ZNF280D: variants seen among roughly 807,000 people sequenced by gnomAD.
ZNF280D encodes suppressor of hairy wing homolog 4.
ZNF280D carries 39 observed loss-of-function variants against 94.7 expected under a neutral mutation model. The ratio of observed to expected loss-of-function variants is 0.41; its 90% CI spans 0.32 to 0.54. The LOEUF is 0.54. Ranked by LOEUF, ZNF280D falls within the 20% of genes least tolerant of loss-of-function variation. The pLI, the probability that ZNF280D is intolerant of heterozygous loss-of-function variation, is 0.22. For synonymous variants in ZNF280D, 398 were observed against 377.6 expected, an observed-to-expected ratio of 1.05 and a Z score of -0.63; for missense variants, 1,090 against 1,149.3, an observed-to-expected ratio of 0.95 and a Z score of 0.75.
chr15:56,646,941 G>T (rs16977028), intron 19 of ZNF280D, among the ~76,000 whole-genome samples: 1 of 152,126 alleles, frequency 6.6e-6, no homozygotes, highest in African/African-American at 2.4e-5. Flanking sequence ...AAAAAGCAAA[G>T]AAGTATGAAA....
chr15:56,700,744 T>C (rs1422599628), intron 6 of ZNF280D, 189 bp downstream of exon 6: 1 of 1,480,626 alleles, frequency 6.8e-7, no homozygotes, highest in Non-Finnish European at 8.9e-7. Flanking sequence ...GTTGGGTAGT[T>C]AGCTCCTTCA....
At chr15:56,695,519 T>C (rs1375996486) in intron 6 of ZNF280D, among the ~76,000 whole-genome samples, 1 of 147,720 alleles carries the variant, frequency 6.8e-6, no homozygotes, top group East Asian at 2.0e-4. Context: ...ATAAAACTAT[T>C]GTGCAAAAAT....
rs552754755 is a variant in ZNF280D, at chr15:56,685,811, T to TA, written c.780+3229dup. ...AAGCAACCACATTGTGAAAGGCTTT[T>TA]AAAAAAGAGAGAAAGAAAAATTTTA... On this transcript the variant is annotated intron_variant, in intron 9 of 21. Transcript: ENST00000267807. Among the ~76,000 whole-genome samples, 5 of 152,092 alleles carry TA rather than the reference T, an allele frequency of 3.3e-5. No individual in the cohort carries two copies. The South Asian group carries it at 1.0e-3, about 32-fold the overall frequency.
At chr15:56,647,944 TCA>T (rs1363842204) in intron 19 of ZNF280D, among the ~76,000 whole-genome samples, 2 of 152,178 alleles carry the variant, frequency 1.3e-5, no homozygotes, top group African/African-American at 2.4e-5. Context: ...TTCAGAAACA[TCA>T]CAGTGTATTA....
At chr15:56,643,986 CCTT>C (rs1418640764) in intron 19 of ZNF280D, among the ~76,000 whole-genome samples, 1 of 151,926 alleles carries the variant, frequency 6.6e-6, no homozygotes, top group Non-Finnish European at 1.5e-5. Context: ...GCAAAACCCT[CCTT>C]CTTCATCCAT....
intron 1 of ZNF280D, among the ~76,000 whole-genome samples, chr15:56,728,428 T>C (rs570558531): frequency 6.6e-6 from 1 of 152,360 alleles, no homozygotes; most frequent in East Asian, 1.9e-4. Flanking sequence ...TTGATCATTC[T>C]AGTTAGTTGC....
At chr15:56,728,033 C>CA (rs2058713224) in intron 1 of ZNF280D, among the ~76,000 whole-genome samples, 1 of 142,696 alleles carries the variant, frequency 7.0e-6, no homozygotes, top group African/African-American at 2.5e-5. Context: ...TTACTTAATA[C>CA]ATTTTTTTTT....
chr15:56,697,052 T>C (rs1281639913), intron 6 of ZNF280D, among the ~76,000 whole-genome samples: 1 of 152,244 alleles, frequency 6.6e-6, no homozygotes, highest in Non-Finnish European at 1.5e-5. Flanking sequence ...GTTTTGTTTT[T>C]CTATTTTTTT....
intron 6 of ZNF280D, among the ~76,000 whole-genome samples, chr15:56,696,346 C>T (rs1014125549): frequency 2.3e-4 from 35 of 152,136 alleles, no homozygotes; most frequent in African/African-American, 8.2e-4. Flanking sequence ...TCATGGTACA[C>T]GTATCATATC....
rs551368055 is a variant in ZNF280D, at chr15:56,715,576, A to G, written c.-85-8270T>C. On this transcript the variant is annotated intron_variant, in intron 1 of 21. Transcript: ENST00000267807. ...CATGAGTAGAGAGTATAATACATGT[A>G]AACTAGCAGAATGAGGCTTTACCCA... Among the ~76,000 whole-genome samples the G allele has an allele frequency of 3.5e-4, 54 of 152,300 alleles. No individual in the cohort carries two copies. In the South Asian group the frequency reaches 0.011, roughly 31 times the overall value.
intron 1 of ZNF280D, among the ~76,000 whole-genome samples, chr15:56,716,706 T>A (rs1017491375): frequency 6.6e-6 from 1 of 152,108 alleles, no homozygotes; most frequent in Non-Finnish European, 1.5e-5. Flanking sequence ...AATTTGAGTA[T>A]TAAATCAGAG....
At position 56,698,109 on chromosome 15, in the gene ZNF280D, G is replaced by A. The variant is rs1337126242; in HGVS notation, c.381+2824C>T. The A allele has an allele frequency of 2.0e-5, 3 of 152,106 alleles. No individual in the cohort carries two copies. In the East Asian group the frequency reaches 5.8e-4, roughly 29 times the overall value. 9.4% of individuals were successfully genotyped at this position (152,106 alleles called of 1,614,324 possible). ...ACTGAACAGTTGGTACTTTCTTAAA[G>A]GTTTGTTGCAGTGTGAAATCTGAAA... is the stretch of plus-strand genomic sequence containing the variant. On this transcript the variant is annotated intron_variant, in intron 6 of 21. Coordinates refer to ENST00000267807, the MANE Select transcript of ZNF280D (RefSeq NM_017661.4).
rs1184400895 is a variant in ZNF280D, at chr15:56,689,028, G to C, written c.780+13C>G. Reference sequence around the variant, plus strand: ...GCAAACTTTTTACAAATTAAATTTTGAAAGAGTTTTACCTTCATGTGATTT... The same window carrying C: ...GCAAACTTTTTACAAATTAAATTTTCAAAGAGTTTTACCTTCATGTGATTT... On this transcript the variant is annotated intron_variant, in intron 9 of 21. Transcript: ENST00000267807. The C allele has an allele frequency of 1.3e-6, 2 of 1,547,996 alleles. No individual in the cohort carries two copies. Among genetic ancestry groups the C allele is most frequent in the African/African-American group, 1.4e-5 (1 of 72,456 alleles).
At chr15:56,680,487 TTTTTA>T (rs2055544927) in intron 10 of ZNF280D, among the ~76,000 whole-genome samples, 1 of 152,188 alleles carries the variant, frequency 6.6e-6, no homozygotes, top group African/African-American at 2.4e-5. Flanking sequence ...TTTCATTTTC[TTTTTA>T]TTTTGAGACC....
At chr15:56,678,965 G>A (rs1175282212) in intron 10 of ZNF280D, 144 bp from the exon 11 acceptor site, 1 of 676,854 alleles carries the variant, frequency 1.5e-6, no homozygotes, top group Non-Finnish European at 2.2e-6. Flanking sequence ...AGGAAAGTAT[G>A]CACTTTTAAA....
rs762559478 is a variant in ZNF280D, at chr15:56,631,468, T to A, written c.*30A>T. 1.2e-6 allele frequency: 2 copies of A among 1,603,064 alleles called. No individual in the cohort carries two copies. The highest frequency in any genetic ancestry group is 8.5e-7 in the Non-Finnish European group (1 of 1,173,032). On this transcript the variant is annotated 3_prime_UTR_variant, in exon 22 of 22. Coordinates refer to ENST00000267807, the MANE Select transcript of ZNF280D (RefSeq NM_017661.4). Reference sequence around the variant, plus strand: ...AGCACTGTTCCAAATGCCCTTATCGTTGGTACACTGAAACTTAAAATGACT... The same window carrying A: ...AGCACTGTTCCAAATGCCCTTATCGATGGTACACTGAAACTTAAAATGACT...
At chr15:56,707,042 A>T in intron 3 of ZNF280D, 40 bp downstream of exon 3, 1 of 1,592,068 alleles carries the variant, frequency 6.3e-7, no homozygotes, top group Non-Finnish European at 8.6e-7. Flanking sequence ...GTGATACAAA[A>T]GCCACATATA....
At chr15:56,680,785 A>G (rs1344574676) in intron 10 of ZNF280D, among the ~76,000 whole-genome samples, 2 of 152,080 alleles carry the variant, frequency 1.3e-5, no homozygotes, top group Non-Finnish European at 2.9e-5. Context: ...CCCCATTTTC[A>G]TGTTTGCTAT....
chr15:56,662,646 G>A (rs2054020009), intron 16 of ZNF280D, among the ~76,000 whole-genome samples: 1 of 151,994 alleles, frequency 6.6e-6, no homozygotes, highest in Admixed American at 6.6e-5. Context: ...ACAACATGGT[G>A]AAAGCCCATC....
Sources: gnomAD v4.1 joint callset for allele counts (sites outside exome capture counted in the v4.1 genomes callset) on GRCh38, gnomAD v4.1.1 for gene constraint, MANE v1.5 for transcripts, NCBI Gene and HGNC (gene_info 2026-07-23, HGNC 2026-07-21) for gene names.